NUP210: variants seen among roughly 807,000 people sequenced by gnomAD.
NUP210 encodes nuclear pore membrane glycoprotein 210.
NUP210 carries 151 observed loss-of-function variants against 196.0 expected under a neutral mutation model. The observed-to-expected ratio is 0.77, with a 90% CI of 0.67 to 0.88. The LOEUF (loss-of-function observed/expected upper bound fraction) is 0.88, where lower values mean the gene tolerates loss of function less well. Ranked by LOEUF, NUP210 falls within the 40% of genes least tolerant of loss-of-function variation. The pLI is 0.00. For missense variants in NUP210, 2,314 were observed against 2,493.7 expected (o/e 0.93, Z 1.53); for synonymous variants, 1,070 against 1,052.7 (o/e 1.02, Z -0.32).
intron 5 of NUP210, 42 bp from the exon 6 acceptor site, chr3:13,386,449 G>T: frequency 6.2e-7 from 1 of 1,611,296 alleles, no homozygotes. Flanking sequence ...GTGCGGACAG[G>T]GAATGGGGAA....
Position 13,319,091 on chromosome 3 carries a change from G to A in NUP210, c.5544C>T (p.Ser1848=), listed in dbSNP as rs200642632. 1.0e-5 allele frequency: 16 copies of A among 1,606,406 alleles called. No individual in the cohort carries two copies. In the East Asian group the frequency reaches 3.1e-4, roughly 31 times the overall value. The change falls in exon 39 of 40, where the codon AGC becomes AGT. Residue 1848 remains serine, a synonymous_variant. Transcript: ENST00000254508. Reference sequence around the variant, plus strand: ...ACTCACAGTGGGGGCTGTGTCCAGGGCTGGCTCGAGGCGTGAGGGCTGCAG... The same window carrying A: ...ACTCACAGTGGGGGCTGTGTCCAGGACTGGCTCGAGGCGTGAGGGCTGCAG... ...AVPAALTPRA[S]PGHSPHYFAA...
chr3:13,349,655 A>T (rs78113285), intron 20 of NUP210, among the ~76,000 whole-genome samples: 2,065 of 152,320 alleles, frequency 0.014, 31 homozygotes, highest in Non-Finnish European at 0.022. Context: ...TTGCCTGGGA[A>T]AGCAGCTGGT....
intron 27 of NUP210, 62 bp downstream of exon 27, chr3:13,336,725 C>T: frequency 6.4e-7 from 1 of 1,561,520 alleles, no homozygotes; most frequent in East Asian, 2.3e-5. Flanking sequence ...CCCTCCCTGC[C>T]ACTCGGGGTG....
chr3:13,350,190 GCGTGTGTGTT>G lies in NUP210; in HGVS notation c.2835+1679_2835+1688del, dbSNP rs1437260093. Among the ~76,000 whole-genome samples the G allele has an allele frequency of 6.6e-6, 1 of 151,612 alleles. No individual in the cohort carries two copies. Among genetic ancestry groups the G allele is most frequent in the African/African-American group, 2.4e-5 (1 of 41,008 alleles). ...TGGGGAAAAGTGTGTGTGTGTGGGT[GCGTGTGTGTT>G]CAGCAAAATAACACAGCCTGTGTGT... On this transcript the variant is annotated intron_variant, in intron 20 of 39. Transcript: ENST00000254508. The surrounding 1 kb of genome is among the most constrained non-coding windows in gnomAD (Gnocchi z 4.1).
chr3:13,338,452 G>A (rs1194318907), intron 25 of NUP210, among the ~76,000 whole-genome samples: 1 of 152,216 alleles, frequency 6.6e-6, no homozygotes, highest in African/African-American at 2.4e-5. Flanking sequence ...ATGCTGAACT[G>A]AGGCTATTAA....
intron 26 of NUP210, 52 bp downstream of exon 26, chr3:13,337,785 C>G: frequency 6.6e-7 from 1 of 1,520,826 alleles, no homozygotes; most frequent in Non-Finnish European, 9.0e-7. Flanking sequence ...GGACAGGGTC[C>G]CAGCAGTGGC....
intron 35 of NUP210, 48 bp from the exon 36 acceptor site, chr3:13,321,883 C>A (rs199705558): frequency 8.9e-6 from 14 of 1,578,730 alleles, no homozygotes; most frequent in Admixed American, 6.8e-5. Flanking sequence ...TGCCCGTGCA[C>A]TGATGTCATT....
chr3:13,373,069 T>C (rs987886619), intron 12 of NUP210, among the ~76,000 whole-genome samples: 1 of 152,094 alleles, frequency 6.6e-6, no homozygotes, highest in Non-Finnish European at 1.5e-5. Context: ...CTGTCCCCAA[T>C]ACTGTAAGAG....
chr3:13,396,590 A>G (rs1699661629), intron 3 of NUP210, among the ~76,000 whole-genome samples: 1 of 144,568 alleles, frequency 6.9e-6, no homozygotes, highest in South Asian at 2.2e-4. Context: ...TCCACTAAAA[A>G]TACAAAAAAA....
At chr3:13,397,570 C>G (rs751382534) in intron 2 of NUP210, 82 bp from the exon 3 acceptor site, 61 of 1,420,272 alleles carry the variant, frequency 4.3e-5, no homozygotes, top group Non-Finnish European at 5.6e-5. Context: ...GGCTTACACT[C>G]TGGCAAAGAC....
At position 13,420,316 on chromosome 3, in the gene NUP210, A is replaced by G. The variant is rs534633909; in HGVS notation, c.-90T>C. 3,292 of 860,138 alleles carry G rather than the reference A, an allele frequency of 3.8e-3. 68 individuals are homozygous for G. The African/African-American group carries it at 0.056, about 15-fold the overall frequency. 53.3% of individuals were successfully genotyped at this position (860,138 alleles called of 1,614,324 possible). A position where few individuals can be genotyped will look rare whatever the true frequency, so the allele number is the denominator to read the frequency against. ...CTCCCGCCCGCGCGCGCGCCAGGCC[A>G]GCAGGTGATGAGCGCGGGGGCGGGG... On this transcript the variant is annotated 5_prime_UTR_variant, in exon 1 of 40. Transcript: ENST00000254508. This position sits in a 1 kb window ranked among gnomAD's most constrained non-coding sequence, Gnocchi z 4.8.
chr3:13,362,555 A>T (rs1698404605), intron 14 of NUP210, among the ~76,000 whole-genome samples: 1 of 152,238 alleles, frequency 6.6e-6, no homozygotes, highest in African/African-American at 2.4e-5. Context: ...CGACCTGAAC[A>T]GACTATGACT....
chr3:13,391,380 C>G, intron 3 of NUP210, 73 bp from the exon 4 acceptor site: 1 of 947,462 alleles, frequency 1.1e-6, no homozygotes, highest in Non-Finnish European at 1.7e-6. Flanking sequence ...GTGATGGGAG[C>G]TTCTGCCCCA....
At chr3:13,353,303 C>T (rs1207851895) in intron 18 of NUP210, among the ~76,000 whole-genome samples, 4 of 152,200 alleles carry the variant, frequency 2.6e-5, no homozygotes, top group African/African-American at 9.7e-5. Context: ...GGCTGTACCC[C>T]CCATGAGGTG....
chr3:13,381,607 C>T (rs1699102862), intron 6 of NUP210, among the ~76,000 whole-genome samples: 1 of 151,928 alleles, frequency 6.6e-6, no homozygotes, highest in African/African-American at 2.4e-5. Context: ...GAACTCACTC[C>T]TTGTAAGAGA....
intron 20 of NUP210, 81 bp from the exon 21 acceptor site, chr3:13,343,384 A>G (rs1697600097): frequency 2.6e-6 from 4 of 1,521,530 alleles, no homozygotes; most frequent in Non-Finnish European, 3.6e-6. Flanking sequence ...GTTTGTGAGC[A>G]GTGCCTCGCC....
intron 30 of NUP210, among the ~76,000 whole-genome samples, 170 bp from the exon 31 acceptor site, chr3:13,329,116 T>A (rs1472389562): frequency 6.6e-6 from 1 of 152,104 alleles, no homozygotes; most frequent in Non-Finnish European, 1.5e-5. Context: ...CCCCAGAGTG[T>A]CCCAACCTAG....
At chr3:13,353,767 C>T (rs1023032143) in intron 17 of NUP210, 107 bp from the exon 18 acceptor site, 6 of 1,253,868 alleles carry the variant, frequency 4.8e-6, no homozygotes, top group Non-Finnish European at 5.8e-6. Context: ...AAACAGACAA[C>T]TGTGTGTGTT....
Position 13,386,270 on chromosome 3 carries a change from C to T in NUP210, c.817+5G>A. 1 of 1,612,004 alleles carries T rather than the reference C, an allele frequency of 6.2e-7. No individual in the cohort carries two copies. The highest frequency in any genetic ancestry group is 8.5e-7 in the Non-Finnish European group (1 of 1,178,936). On this transcript the variant is annotated splice_donor_5th_base_variant and intron_variant, in intron 6 of 39. Coordinates refer to ENST00000254508, the MANE Select transcript of NUP210 (RefSeq NM_024923.4). ...TCTGTCATGATGGCAGAGCCAATGACACACCTGTAATTTTCCCTTGCCTGA... is the reference window on the plus strand; with the variant it reads ...TCTGTCATGATGGCAGAGCCAATGATACACCTGTAATTTTCCCTTGCCTGA...
Sources: gnomAD v4.1 joint callset for allele counts (sites outside exome capture counted in the v4.1 genomes callset) on GRCh38, gnomAD v4.1.1 for gene constraint, Gnocchi (gnomAD v3.1) non-coding constraint, MANE v1.5 for transcripts, NCBI Gene and HGNC (gene_info 2026-07-23, HGNC 2026-07-21) for gene names.